Variants in TRIP4 observed in about 807,000 individuals in gnomAD.
The protein encoded by TRIP4 is thyroid hormone receptor interactor 4.
Under a neutral mutation model 81.8 loss-of-function variants are expected in TRIP4, and 54 were observed. The ratio of observed to expected loss-of-function variants is 0.66; its 90% CI spans 0.53 to 0.83. The LOEUF is 0.83. Among genes scored for constraint, TRIP4 ranks in the 40% least tolerant of loss-of-function variants. TRIP4 has a pLI of 0.00. For synonymous variants in TRIP4, 270 were observed against 242.8 expected (o/e 1.11, Z -1.04); for missense variants, 662 against 683.6 (o/e 0.97, Z 0.35).
At chr15:64,449,571 C>CAT (rs35359477) in intron 12 of TRIP4, among the ~76,000 whole-genome samples, 15,566 of 149,282 alleles carry the variant, frequency 0.1, 2,014 homozygotes, top group East Asian at 0.77. Flanking sequence ...TGTGTTGTAT[C>CAT]ATATATATAT....
intron 5 of TRIP4, among the ~76,000 whole-genome samples, chr15:64,404,981 C>T (rs563039809): frequency 1.6e-3 from 239 of 152,172 alleles, no homozygotes; most frequent in African/African-American, 5.6e-3. Context: ...CCACTGCACA[C>T]AGCCACCTAA....
At chr15:64,409,873 G>T in intron 7 of TRIP4, 45 bp downstream of exon 7, 1 of 1,546,320 alleles carries the variant, frequency 6.5e-7, no homozygotes, top group South Asian at 1.2e-5. Flanking sequence ...GGAACAGGTT[G>T]ACCATAAAGG....
intron 6 of TRIP4, among the ~76,000 whole-genome samples, chr15:64,408,255 T>C (rs1891677526): frequency 8.3e-6 from 1 of 121,196 alleles, no homozygotes; most frequent in African/African-American, 3.1e-5. Context: ...ACAAATTTTT[T>C]TTTTTTTTTT....
chr15:64,397,728 G>A lies in TRIP4; in HGVS notation c.528G>A (p.Gln176=). The change falls in exon 4 of 13, where the codon CAG becomes CAA. Residue 176 remains glutamine (Q), a synonymous_variant. Transcript: ENST00000261884. ...PGRHPCDCLG[Q]KHKLINNCLI... ...GTCACCCTTGTGATTGCCTGGGCCA[G>A]AAGCACAAGCTCATCAATAACTGTC... 6.2e-7 allele frequency: 1 copy of A among 1,614,248 alleles called. No individual in the cohort carries two copies. The highest frequency in any genetic ancestry group is 8.5e-7 in the Non-Finnish European group (1 of 1,180,044).
intron 11 of TRIP4, among the ~76,000 whole-genome samples, chr15:64,439,927 CAAGAATGAAT>C: frequency 6.6e-6 from 1 of 151,870 alleles, no homozygotes; most frequent in East Asian, 1.9e-4. Context: ...CATTTCAGTA[CAAGAATGAAT>C]AAGAATGAAG....
chr15:64,400,872 C>G, intron 5 of TRIP4, 51 bp downstream of exon 5: 1 of 1,441,076 alleles, frequency 6.9e-7, no homozygotes, highest in East Asian at 2.3e-5. Context: ...TACCTTGTTG[C>G]GTCTGTGGTT....
At chr15:64,393,272 C>A (rs1900188306) in intron 1 of TRIP4, 1 of 151,252 alleles carries the variant, frequency 6.6e-6, no homozygotes, top group African/African-American at 2.4e-5. Flanking sequence ...GCCTCAGCCT[C>A]CCGAGTAGCT....
Position 64,424,162 on chromosome 15 carries a change from G to A in TRIP4, c.1483+7G>A, listed in dbSNP as rs1339416396. On this transcript the variant is annotated splice_region_variant and intron_variant, in intron 10 of 12. Transcript: ENST00000261884. ...CGTCTTCTTCGTGGGAAAGGTAACA[G>A]CCGCATATTCTCCTTTCAATTTTAC... 1 of 1,614,000 alleles carries A rather than the reference G, an allele frequency of 6.2e-7. No homozygotes were observed. Among genetic ancestry groups the A allele is most frequent in the Non-Finnish European group, 8.5e-7 (1 of 1,180,010 alleles).
Position 64,441,048 on chromosome 15 carries a change from G to A in TRIP4, c.1576-3958G>A, listed in dbSNP as rs530710795. ...CGCTCTGTCACCCAGTCTGGATGGA[G>A]TGCAGTGGTGCGATCTCGGCTCACT... On this transcript the variant is annotated intron_variant, in intron 11 of 12. Transcript: ENST00000261884. Among the ~76,000 whole-genome samples, 5 of 151,696 alleles carry A rather than the reference G, an allele frequency of 3.3e-5. No homozygotes were observed. The South Asian group carries it at 1.0e-3, about 32-fold the overall frequency.
At chr15:64,408,606 A>G (rs934619225) in intron 6 of TRIP4, among the ~76,000 whole-genome samples, 1 of 152,114 alleles carries the variant, frequency 6.6e-6, no homozygotes, top group Non-Finnish European at 1.5e-5. Context: ...ATTTGAAGCC[A>G]ATATATGAAT....
At chr15:64,420,049 C>T (rs774880117) in intron 9 of TRIP4, among the ~76,000 whole-genome samples, 1 of 151,750 alleles carries the variant, frequency 6.6e-6, no homozygotes, top group African/African-American at 2.4e-5. Flanking sequence ...CTCCTAACAT[C>T]GTGATTCGCC....
chr15:64,431,884 T>TC (rs1170258617), intron 11 of TRIP4, among the ~76,000 whole-genome samples: 63 of 112,692 alleles, frequency 5.6e-4, no homozygotes, highest in African/African-American at 2.6e-3. Flanking sequence ...TTTCTTTTTT[T>TC]TTTTTTTTTT....
chr15:64,406,385 A>G lies in TRIP4; in HGVS notation c.753A>G (p.Gln251=), dbSNP rs373015771. ...CTACCAAGGACCTTCTTCCTCATCA[A>G]GAATTGCGAATTAAGTCTGGTCTGG... is the stretch of plus-strand genomic sequence containing the variant. The part of the protein sequence containing the change: ...DISTKDLLPH[Q]ELRIKSGLEK... Residue 251 remains glutamine (Q), a synonymous_variant, in exon 6 of 13, where the codon CAA becomes CAG. Transcript: ENST00000261884. The G allele has an allele frequency of 5.0e-6, 8 of 1,614,092 alleles. No individual in the cohort carries two copies. The African/African-American group carries it at 5.3e-5, about 11-fold the overall frequency.
At chr15:64,445,585 C>T (rs1892614075) in intron 12 of TRIP4, among the ~76,000 whole-genome samples, 1 of 140,458 alleles carries the variant, frequency 7.1e-6, no homozygotes, top group Admixed American at 8.1e-5. Flanking sequence ...AGGAGAATCG[C>T]TTGAACCTGG....
chr15:64,436,843 G>A (rs1363748101), intron 11 of TRIP4, among the ~76,000 whole-genome samples: 2 of 121,522 alleles, frequency 1.6e-5, no homozygotes, highest in Non-Finnish European at 3.2e-5. Flanking sequence ...GCGCGATCTC[G>A]GCTGCAGGTT....
At chr15:64,448,683 T>G (rs1442507662) in intron 12 of TRIP4, among the ~76,000 whole-genome samples, 1 of 152,138 alleles carries the variant, frequency 6.6e-6, no homozygotes, top group African/African-American at 2.4e-5. Flanking sequence ...CAGGCTGGTC[T>G]TGAACTCCTG....
chr15:64,428,184 A>C lies in TRIP4; in HGVS notation c.1575+2553A>C, dbSNP rs1043175423. ...GCTTTATTTTCTCATCTATTGATCA[A>C]GCAAACTACCACCTGATACAAGGTC... On this transcript the variant is annotated intron_variant, in intron 11 of 12. Coordinates refer to ENST00000261884, the MANE Select transcript of TRIP4 (RefSeq NM_016213.5). 4.6e-5 allele frequency among the ~76,000 whole-genome samples: 7 copies of C among 152,324 alleles called. No homozygotes were observed. In the East Asian group the frequency reaches 1.2e-3, roughly 25 times the overall value.
intron 11 of TRIP4, among the ~76,000 whole-genome samples, chr15:64,437,090 C>T (rs1415322426): frequency 6.6e-6 from 1 of 151,710 alleles, no homozygotes; most frequent in Non-Finnish European, 1.5e-5. Context: ...AGTAAGTGGT[C>T]ATGACAATAA....
chr15:64,439,829 A>G (rs570195482), intron 11 of TRIP4, among the ~76,000 whole-genome samples: 123 of 151,972 alleles, frequency 8.1e-4, no homozygotes, highest in Non-Finnish European at 1.5e-3. Flanking sequence ...TGGCTAACGT[A>G]TAAATCTTAT....
Sources: gnomAD v4.1 joint callset for allele counts (sites outside exome capture counted in the v4.1 genomes callset) on GRCh38, gnomAD v4.1.1 for gene constraint, MANE v1.5 for transcripts, NCBI Gene and HGNC (gene_info 2026-07-23, HGNC 2026-07-21) for gene names.